The following MBNL2 variants were observed in gnomAD, a reference collection of about 807,000 sequenced individuals.
The protein encoded by MBNL2 is muscleblind-like protein 2.
MBNL2 carries 17 observed loss-of-function variants against 41.9 expected under a neutral mutation model. That is an observed-to-expected ratio of 0.41 (90% confidence interval 0.28 to 0.61). The LOEUF (loss-of-function observed/expected upper bound fraction) is 0.61. Among genes scored for constraint, MBNL2 ranks in the 20% least tolerant of loss-of-function variants. The pLI, the probability that MBNL2 is intolerant of heterozygous loss-of-function variation, is 0.35. For missense variants in MBNL2, 336 were observed against 505.6 expected (o/e 0.66, Z 3.22); for synonymous variants, 195 against 182.9 (o/e 1.07, Z -0.53).
chr13:97,262,490 C>T (rs1213655446), intron 1 of MBNL2, among the ~76,000 whole-genome samples: 2 of 152,296 alleles, frequency 1.3e-5, no homozygotes, highest in African/African-American at 2.4e-5. Context: ...CCTCTTCCTT[C>T]TTTCACCTCC....
rs888201384 is a variant in MBNL2, at chr13:97,383,043, C to T, written c.1049-8279C>T. On this transcript the variant is annotated intron_variant, in intron 8 of 8. Coordinates refer to ENST00000679496, the MANE Select transcript of MBNL2 (RefSeq NM_001382683.1). ...GGAAAGGGCCAGGAAAGAAAAGTCTCCTTCTCATGCCTCTTTACCTTCATC... is the reference window on the plus strand; with the variant it reads ...GGAAAGGGCCAGGAAAGAAAAGTCTTCTTCTCATGCCTCTTTACCTTCATC... Among the ~76,000 whole-genome samples, 3 of 152,188 alleles carry T rather than the reference C, an allele frequency of 2.0e-5. No individual in the cohort carries two copies. The South Asian group carries it at 6.2e-4, about 31-fold the overall frequency.
At chr13:97,368,544 CA>C (rs1352319508) in intron 8 of MBNL2, among the ~76,000 whole-genome samples, 2 of 151,890 alleles carry the variant, frequency 1.3e-5, no homozygotes, top group East Asian at 3.9e-4. Flanking sequence ...GAAAAGAAGC[CA>C]AGATAAAGAA....
the MBNL2 span, among the ~76,000 whole-genome samples, chr13:97,165,711 A>T: frequency 6.6e-6 from 1 of 152,324 alleles, no homozygotes; most frequent in South Asian, 2.1e-4. Flanking sequence ...CATCCAGGAC[A>T]CTCCCTCAAG....
At chr13:97,156,006 CCCA>C in the MBNL2 span, among the ~76,000 whole-genome samples, 1 of 116,652 alleles carries the variant, frequency 8.6e-6, no homozygotes, top group African/African-American at 3.5e-5. Flanking sequence ...AGTTTACAGT[CCCA>C]CCAACAGTGT....
intron 8 of MBNL2, among the ~76,000 whole-genome samples, chr13:97,387,486 A>G (rs1199414947): frequency 1.3e-5 from 2 of 152,128 alleles, no homozygotes; most frequent in African/African-American, 4.8e-5. Context: ...CTCCAAGTGC[A>G]TTTGCTGTAG....
chr13:97,337,074 C>T (rs537887698), intron 3 of MBNL2, among the ~76,000 whole-genome samples: 1 of 152,236 alleles, frequency 6.6e-6, no homozygotes, highest in South Asian at 2.1e-4. Flanking sequence ...GAGTCCTAAC[C>T]TCTAAGGGCC....
intron 2 of MBNL2, among the ~76,000 whole-genome samples, chr13:97,315,238 C>T (rs1028539479): frequency 1.3e-5 from 2 of 152,152 alleles, no homozygotes; most frequent in Non-Finnish European, 2.9e-5. Flanking sequence ...GCTTCTAAAG[C>T]AGTTAAAATA....
chr13:97,356,857 G>T lies in MBNL2; in HGVS notation c.858+8G>T. The T allele has an allele frequency of 7.4e-7, 1 of 1,356,216 alleles. No individual in the cohort carries two copies. Among genetic ancestry groups the T allele is most frequent in the South Asian group, 1.1e-5 (1 of 87,136 alleles). The allele number at this position is 1,356,216 out of a possible 1,614,324, so 84.0% of individuals were successfully genotyped here. On this transcript the variant is annotated splice_region_variant and intron_variant, in intron 6 of 8. Coordinates refer to ENST00000679496, the MANE Select transcript of MBNL2 (RefSeq NM_001382683.1). ...GAAGCAACTGTAGACCTGGTACTTT[G>T]ACCTTTCACCTTTCGCTTTGCATGT...
At chr13:97,341,185 A>G (rs550449249) in intron 3 of MBNL2, among the ~76,000 whole-genome samples, 5 of 152,292 alleles carry the variant, frequency 3.3e-5, no homozygotes, top group Non-Finnish European at 5.9e-5. Context: ...TTGGCCATGC[A>G]TCAGATCATT....
the MBNL2 span, among the ~76,000 whole-genome samples, chr13:97,187,700 G>A: frequency 6.7e-6 from 1 of 150,246 alleles, no homozygotes; most frequent in South Asian, 2.1e-4. Context: ...CAGGTCAGGA[G>A]ATCGAGACCA....
intron 2 of MBNL2, among the ~76,000 whole-genome samples, chr13:97,299,814 G>C (rs977306307): frequency 6.6e-6 from 1 of 152,120 alleles, no homozygotes; most frequent in African/African-American, 2.4e-5. Context: ...AACATTCTAA[G>C]AGATATATTC....
intron 2 of MBNL2, among the ~76,000 whole-genome samples, chr13:97,332,231 G>A (rs1183392832): frequency 4.6e-5 from 7 of 152,210 alleles, no homozygotes; most frequent in Non-Finnish European, 1.0e-4. Flanking sequence ...AGAGAAACCT[G>A]GGGTGGCTTA....
chr13:97,384,712 T>A (rs1409327686), intron 8 of MBNL2, among the ~76,000 whole-genome samples: 1 of 152,180 alleles, frequency 6.6e-6, no homozygotes, highest in African/African-American at 2.4e-5. Context: ...GCCAATTAAT[T>A]GCCTATTTTT....
intron 1 of MBNL2, among the ~76,000 whole-genome samples, chr13:97,257,151 C>T (rs1489642215): frequency 6.6e-6 from 1 of 151,798 alleles, no homozygotes; most frequent in East Asian, 1.9e-4. Flanking sequence ...TATTCAGACC[C>T]TACCTTTTTT....
At chr13:97,259,706 A>T (rs920196215) in intron 1 of MBNL2, among the ~76,000 whole-genome samples, 1 of 152,236 alleles carries the variant, frequency 6.6e-6, no homozygotes, top group Non-Finnish European at 1.5e-5. Flanking sequence ...CTTTAAGGAC[A>T]GAAGTGGCTC....
intron 2 of MBNL2, among the ~76,000 whole-genome samples, chr13:97,290,213 AAAT>A (rs1312924349): frequency 1.3e-5 from 2 of 152,226 alleles, no homozygotes; most frequent in African/African-American, 4.8e-5. Context: ...CAAACTAATA[AAAT>A]AATCACAATT....
intron 3 of MBNL2, among the ~76,000 whole-genome samples, chr13:97,342,715 G>C (rs1412943781): frequency 1.3e-5 from 2 of 152,194 alleles, no homozygotes; most frequent in Non-Finnish European, 2.9e-5. Context: ...ACATTTAATA[G>C]TTTGGAATGT....
intron 2 of MBNL2, among the ~76,000 whole-genome samples, chr13:97,320,352 C>T (rs1448189131): frequency 5.3e-5 from 8 of 151,636 alleles, no homozygotes; most frequent in African/African-American, 9.7e-5. Context: ...CTCCGCCTCC[C>T]GGGTTCAAGA....
chr13:97,152,019 C>T, the MBNL2 span, among the ~76,000 whole-genome samples: 1 of 151,992 alleles, frequency 6.6e-6, no homozygotes, highest in South Asian at 2.1e-4. Flanking sequence ...AGGAAATCTG[C>T]CAACCTGAAA....
Sources: gnomAD v4.1 joint callset for allele counts (sites outside exome capture counted in the v4.1 genomes callset) on GRCh38, gnomAD v4.1.1 for gene constraint, MANE v1.5 for transcripts, NCBI Gene and HGNC (gene_info 2026-07-23, HGNC 2026-07-21) for gene names.